Variants in MGST1 observed in about 807,000 individuals in gnomAD.
MGST1 encodes microsomal glutathione S-transferase 1.
A neutral mutation model predicts 8.9 loss-of-function variants in MGST1; 5 were observed. The ratio of observed to expected loss-of-function variants is 0.56; its 90% CI spans 0.29 to 1.19. The LOEUF is 1.19. Among genes scored for constraint, MGST1 ranks in the 50% most tolerant of loss-of-function variants. The pLI is 0.08. For missense variants in MGST1, 182 were observed against 187.4 expected, an observed-to-expected ratio of 0.97 and a Z score of 0.17; for synonymous variants, 54 against 67.8, an observed-to-expected ratio of 0.80 and a Z score of 1.00.
At chr12:16,553,334 C>A (rs1942064618) in intron 4 of MGST1, among the ~76,000 whole-genome samples, 1 of 152,078 alleles carries the variant, frequency 6.6e-6, no homozygotes, top group African/African-American at 2.4e-5. Flanking sequence ...GTAAAGCATG[C>A]AGGCTACAAG....
intron 1 of MGST1, among the ~76,000 whole-genome samples, chr12:16,393,839 C>G (rs1386025930): frequency 6.6e-6 from 1 of 152,190 alleles, no homozygotes; most frequent in Non-Finnish European, 1.5e-5. Flanking sequence ...CATTCAAACC[C>G]AATCTGAATC....
intron 4 of MGST1, among the ~76,000 whole-genome samples, chr12:16,524,413 T>C (rs1941669511): frequency 6.6e-6 from 1 of 152,068 alleles, no homozygotes; most frequent in Non-Finnish European, 1.5e-5. Context: ...TGTGTACCTT[T>C]CTTGAGATCT....
intron 1 of MGST1, among the ~76,000 whole-genome samples, chr12:16,394,566 CT>C (rs1218739672): frequency 0.16 from 12,200 of 74,770 alleles, 950 homozygotes; most frequent in Non-Finnish European, 0.2. Flanking sequence ...TTCTTTCTTT[CT>C]TTCTTTCTTC....
At chr12:16,440,090 C>T (rs1400142273), downstream of MGST1, among the ~76,000 whole-genome samples, 1 of 151,804 alleles carries the variant, frequency 6.6e-6, no homozygotes, top group Non-Finnish European at 1.5e-5. Flanking sequence ...CTCAACTCAA[C>T]CAACAGACTG....
chr12:16,567,272 A>T, intron 4 of MGST1: 1 of 160,720 alleles, frequency 6.2e-6, no homozygotes, highest in Non-Finnish European at 1.3e-5. Flanking sequence ...AATTCATGGT[A>T]TTGAGAGAAA....
intron 4 of MGST1, among the ~76,000 whole-genome samples, chr12:16,454,262 A>G (rs1941151989): frequency 6.6e-6 from 1 of 151,950 alleles, no homozygotes; most frequent in South Asian, 2.1e-4. Flanking sequence ...TTTTCCTGGT[A>G]GGCAAATTAC....
At chr12:16,579,265 CAAG>C (rs1943088567) in intron 4 of MGST1, among the ~76,000 whole-genome samples, 1 of 152,040 alleles carries the variant, frequency 6.6e-6, no homozygotes, top group African/African-American at 2.4e-5. Context: ...ATTAGGAAAC[CAAG>C]AACAAGAATT....
In MGST1 at chr12:16,500,885, C is replaced by T. The variant is rs1260132179; in HGVS notation, n.483-88643C>T. Among the ~76,000 whole-genome samples, 2 of 152,132 alleles carry T rather than the reference C, an allele frequency of 1.3e-5. No individual in the cohort carries two copies. The highest frequency in any genetic ancestry group is 1.3e-4 in the Admixed American group (2 of 15,266). ...CTTTGGGAGACCAAGGCAGGCGGAT[C>T]ACAAGGTCAAGAGATCGAGACCATC... On this transcript the variant is annotated intron_variant and non_coding_transcript_variant, in intron 4 of 4. Transcript: ENST00000538857. The surrounding 1 kb of genome is among the most constrained non-coding windows in gnomAD (Gnocchi z 4.3).
chr12:16,537,168 A>G lies in MGST1; in HGVS notation n.483-52360A>G, dbSNP rs1223360880. Among the ~76,000 whole-genome samples the G allele has an allele frequency of 1.3e-5, 2 of 152,198 alleles. No homozygotes were observed. The highest frequency in any genetic ancestry group is 2.4e-5 in the African/African-American group (1 of 41,454). ...AAATGGGGGAAATTGGCCAAAATAA[A>G]GGGATTACAGGGCCCATCCAAGTCT... is the stretch of plus-strand genomic sequence containing the variant. On this transcript the variant is annotated intron_variant and non_coding_transcript_variant, in intron 4 of 4. Coordinates refer to the MGST1 transcript ENST00000538857. The surrounding 1 kb of genome is among the most constrained non-coding windows in gnomAD (Gnocchi z 4.6).
At chr12:16,404,717 C>G (rs1940685463) in intron 1 of MGST1, among the ~76,000 whole-genome samples, 2 of 152,054 alleles carry the variant, frequency 1.3e-5, no homozygotes, top group South Asian at 2.1e-4. Flanking sequence ...TATTTTAATA[C>G]TTTTTTAAAC....
chr12:16,426,152 A>T (rs544996352), intron 1 of MGST1, among the ~76,000 whole-genome samples: 1 of 152,300 alleles, frequency 6.6e-6, no homozygotes, highest in Non-Finnish European at 1.5e-5. Context: ...TGCTACTATA[A>T]TAAATTTTGA....
rs74443371 is a variant in MGST1 at position 16,451,912 on chromosome 12, G to A, written n.482+68308G>A. Among the ~76,000 whole-genome samples, 1,269 of 151,876 alleles carry A rather than the reference G, an allele frequency of 8.4e-3. 13 individuals are homozygous for A. Among genetic ancestry groups the A allele is most frequent in the Non-Finnish European group, 0.012 (797 of 67,828 alleles). ...ATGTTTTCCATCTTAGTGTAGGACT[G>A]CCCTTTTTGCATTAGCCATTTTAGG... is the stretch of plus-strand genomic sequence containing the variant. On this transcript the variant is annotated intron_variant and non_coding_transcript_variant, in intron 4 of 4. Transcript: ENST00000538857.
At chr12:16,534,440 T>TGG (rs1941742171) in intron 4 of MGST1, among the ~76,000 whole-genome samples, 1 of 152,176 alleles carries the variant, frequency 6.6e-6, no homozygotes, top group South Asian at 2.1e-4. Flanking sequence ...CACCACTAGG[T>TGG]GCATTTCTAA....
At chr12:16,396,069 C>G (rs1054432972) in intron 1 of MGST1, among the ~76,000 whole-genome samples, 3 of 151,994 alleles carry the variant, frequency 2.0e-5, no homozygotes, top group African/African-American at 7.2e-5. Flanking sequence ...TATTCCCACC[C>G]ACAGTGTAGA....
intron 1 of MGST1, among the ~76,000 whole-genome samples, chr12:16,426,987 A>C (rs909788869): frequency 6.6e-6 from 1 of 151,242 alleles, no homozygotes; most frequent in South Asian, 2.1e-4. Context: ...AAAAAAAAAA[A>C]GCTGAACAAA....
intron 4 of MGST1, among the ~76,000 whole-genome samples, chr12:16,473,198 C>A (rs1048452513): frequency 5.9e-5 from 9 of 152,162 alleles, no homozygotes; most frequent in African/African-American, 1.9e-4. Flanking sequence ...ACATTCCCCC[C>A]ATCCCCAGGA....
At chr12:16,368,940 A>C (rs1284551932), downstream of MGST1, among the ~76,000 whole-genome samples, 3 of 152,192 alleles carry the variant, frequency 2.0e-5, no homozygotes, top group Non-Finnish European at 4.4e-5. Context: ...AAAATAATCC[A>C]AATAATCCAA....
intron 4 of MGST1, among the ~76,000 whole-genome samples, chr12:16,570,771 A>G (rs1490406449): frequency 1.9e-4 from 29 of 152,212 alleles, no homozygotes; most frequent in Admixed American, 1.9e-3. Flanking sequence ...TAGTGACAAC[A>G]GTCACCTGAT....
intron 4 of MGST1, among the ~76,000 whole-genome samples, chr12:16,539,657 A>G (rs888997240): frequency 1.3e-5 from 2 of 152,130 alleles, no homozygotes; most frequent in African/African-American, 4.8e-5. Context: ...TGCTTTCATA[A>G]GGCCACCAGA....
Sources: gnomAD v4.1 joint callset for allele counts (sites outside exome capture counted in the v4.1 genomes callset) on GRCh38, gnomAD v4.1.1 for gene constraint, Gnocchi (gnomAD v3.1) non-coding constraint, MANE v1.5 for transcripts, NCBI Gene and HGNC (gene_info 2026-07-23, HGNC 2026-07-21) for gene names.